The following UBN2 variants were observed in gnomAD, a reference collection of about 807,000 sequenced individuals.
The protein encoded by UBN2 is ubinuclein-2.
In UBN2, 35 loss-of-function variants were observed where a neutral mutation model predicts 120.2. The ratio of observed to expected loss-of-function variants is 0.29; its 90% CI spans 0.22 to 0.39. The LOEUF is 0.39. Ranked by LOEUF, UBN2 falls within the 10% of genes least tolerant of loss-of-function variation. UBN2 has a pLI of 1.00. For missense variants in UBN2, 1,693 were observed against 1,663.2 expected (o/e 1.02, Z -0.31); for synonymous variants, 661 against 648.7 (o/e 1.02, Z -0.29).
At chr7:139,328,021 T>C in the UBN2 span, among the ~76,000 whole-genome samples, 59 of 152,290 alleles carry the variant, frequency 3.9e-4, no homozygotes, top group East Asian at 0.011. Context: ...ATTAATTCAT[T>C]CTCCTTAAGT....
chr7:139,257,919 GGGCTTAC>G (rs1796810042), intron 3 of UBN2, among the ~76,000 whole-genome samples: 1 of 151,872 alleles, frequency 6.6e-6, no homozygotes, highest in African/African-American at 2.4e-5. Flanking sequence ...CTGAGTCGCT[GGGCTTAC>G]TACGCCCAGC....
At position 139,308,194 on chromosome 7, in the gene UBN2, AC is replaced by A. The variant is rs1310413427; in HGVS notation, c.*10359del. ...AGTGTTTTTTCTTTTTGTATATGTTACGTGTTTGTTGTTGTATTAAATAAAG... is the reference window on the plus strand; with the variant it reads ...AGTGTTTTTTCTTTTTGTATATGTTAGTGTTTGTTGTTGTATTAAATAAAG... On this transcript the variant is annotated 3_prime_UTR_variant, in exon 18 of 18. Coordinates refer to ENST00000473989, the MANE Select transcript of UBN2 (RefSeq NM_173569.4). The A allele has an allele frequency of 2.0e-5, 3 of 151,566 alleles. No homozygotes were observed. Among genetic ancestry groups the A allele is most frequent in the Non-Finnish European group, 4.4e-5 (3 of 67,912 alleles). The allele number at this position is 151,566 out of a possible 1,614,324, so 9.4% of individuals were successfully genotyped here. A position where few individuals can be genotyped will look rare whatever the true frequency, so the allele number is the denominator to read the frequency against.
intron 2 of UBN2, among the ~76,000 whole-genome samples, chr7:139,241,028 T>C (rs949728432): frequency 1.3e-5 from 2 of 152,198 alleles, no homozygotes; most frequent in Non-Finnish European, 1.5e-5. Context: ...CAGTTAAGGC[T>C]CCAAAATGTT....
chr7:139,324,391 A>C, the UBN2 span, among the ~76,000 whole-genome samples: 72 of 151,542 alleles, frequency 4.8e-4, 1 homozygote, highest in East Asian at 8.5e-3. Flanking sequence ...CCCCGTCTCT[A>C]CTAAAAATAC....
rs902118912 is a variant in UBN2, at chr7:139,292,154, T to A, written c.3670-1078T>A. Among the ~76,000 whole-genome samples the A allele has an allele frequency of 4.6e-5, 7 of 152,182 alleles. 1 individual carries two copies. In the East Asian group the frequency reaches 1.4e-3, roughly 29 times the overall value. Reference sequence around the variant, plus strand: ...CTGTAGTCTTAGCTACTCGGGAGGCTGAGGTGAGAGGATCACTTGAGCCTC... The same window carrying A: ...CTGTAGTCTTAGCTACTCGGGAGGCAGAGGTGAGAGGATCACTTGAGCCTC... On this transcript the variant is annotated intron_variant, in intron 15 of 17. Coordinates refer to ENST00000473989, the MANE Select transcript of UBN2 (RefSeq NM_173569.4).
intron 15 of UBN2, among the ~76,000 whole-genome samples, chr7:139,290,243 TA>T (rs1797914721): frequency 6.6e-6 from 1 of 152,206 alleles, no homozygotes; most frequent in Non-Finnish European, 1.5e-5. Flanking sequence ...CAACTCTGGT[TA>T]ATTTTTAAGT....
chr7:139,297,314 CT>C (rs1798137216), intron 17 of UBN2, among the ~76,000 whole-genome samples: 1 of 151,428 alleles, frequency 6.6e-6, no homozygotes, highest in Admixed American at 6.6e-5. Flanking sequence ...GAAAAGTTTG[CT>C]ACGTTTGTTT....
Position 139,280,006 on chromosome 7 carries a change from A to G in UBN2, c.2067+646A>G, listed in dbSNP as rs563745702. On this transcript the variant is annotated intron_variant, in intron 13 of 17. Transcript: ENST00000473989. ...TTCTTGGCTTAGGAGTTTCAGTTAC[A>G]CTACCTCTACAATCTGAGAAAACGC... Among the ~76,000 whole-genome samples, 35 of 152,328 alleles carry G rather than the reference A, an allele frequency of 2.3e-4. 1 individual carries two copies. Among genetic ancestry groups the G allele is most frequent in the Middle Eastern group, 6.8e-3 (2 of 294 alleles).
intron 15 of UBN2, among the ~76,000 whole-genome samples, chr7:139,290,797 G>C (rs538400949): frequency 6.6e-6 from 1 of 152,156 alleles, no homozygotes; most frequent in African/African-American, 2.4e-5. Context: ...GGCTGCTTGC[G>C]GATATTCTTC....
chr7:139,250,747 C>G (rs1796603240), intron 2 of UBN2, among the ~76,000 whole-genome samples: 1 of 151,972 alleles, frequency 6.6e-6, no homozygotes, highest in African/African-American at 2.4e-5. Flanking sequence ...GTACTCATTT[C>G]AGTTTTTACA....
In UBN2 at chr7:139,288,211, G is replaced by A. The variant is rs181185741; in HGVS notation, c.3669+3637G>A. ...CAGCATACTCACACATATAGTCTAG[G>A]TAGGAAGACAAGGAAAAATACAAGT... On this transcript the variant is annotated intron_variant, in intron 15 of 17. Coordinates refer to ENST00000473989, the MANE Select transcript of UBN2 (RefSeq NM_173569.4). 8.7e-4 allele frequency among the ~76,000 whole-genome samples: 132 copies of A among 152,270 alleles called. 1 individual carries two copies. The highest frequency in any genetic ancestry group is 8.4e-4 in the Non-Finnish European group (57 of 68,024).
chr7:139,283,556 C>G lies in UBN2; in HGVS notation c.2651C>G (p.Ser884Ter). 6.2e-7 allele frequency: 1 copy of G among 1,614,158 alleles called. No homozygotes were observed. Among genetic ancestry groups the G allele is most frequent in the Non-Finnish European group, 8.5e-7 (1 of 1,180,030 alleles). ...ARLLQQGLQR[S>*]SQIHTSSSSQ... ...CTACTTCAACAAGGACTTCAGAGGT[C>G]AAGCCAGATTCACACTTCTTCCTCT... Residue 884 changes from serine (S) to a stop codon, truncating the protein, a stop_gained, in exon 15 of 18, where the codon TCA (serine) becomes TGA (stop). Coordinates refer to ENST00000473989, the MANE Select transcript of UBN2 (RefSeq NM_173569.4). LOFTEE classifies it high-confidence loss of function.
rs1798274409 is a variant in UBN2 at position 139,302,151 on chromosome 7, TAAGTC to T, written c.*4317_*4321del. Reference sequence around the variant, plus strand: ...CACATTATCTTAAAGTACAGACTGATAAGTCAGGGGATTCAGGAGGAAGAATCTCA... The same window carrying T: ...CACATTATCTTAAAGTACAGACTGATAGGGGATTCAGGAGGAAGAATCTCA... On this transcript the variant is annotated 3_prime_UTR_variant, in exon 18 of 18. Coordinates refer to ENST00000473989, the MANE Select transcript of UBN2 (RefSeq NM_173569.4). The T allele has an allele frequency of 6.6e-6, 1 of 152,236 alleles. No homozygotes were observed. The allele number at this position is 152,236 out of a possible 1,614,324, so 9.4% of individuals were successfully genotyped here.
In UBN2 at chr7:139,231,908, G is replaced by T. The variant is rs117922287; in HGVS notation, c.424G>T (p.Val142Leu). The T allele has an allele frequency of 2.0e-3, 3,144 of 1,588,488 alleles. 46 individuals are homozygous for T. The East Asian group carries it at 0.035, about 18-fold the overall frequency. ...TAAGGACCCCACCGACGAGAGCTGC[G>T]TGGAGTTCAGTTACCCGGAGCTGCT... ...VLKDPTDESC[V>L]EFSYPELLLC... Residue 142 changes from valine to leucine, a missense_variant, in exon 1 of 18, where the codon GTG becomes TTG. Coordinates refer to ENST00000473989, the MANE Select transcript of UBN2 (RefSeq NM_173569.4).
At chr7:139,262,732 C>CAAAT (rs899643942) in intron 6 of UBN2, among the ~76,000 whole-genome samples, 5 of 150,378 alleles carry the variant, frequency 3.3e-5, no homozygotes, top group Non-Finnish European at 7.4e-5. Context: ...AAAAAAAACC[C>CAAAT]AAATAAATAA....
intron 1 of UBN2, among the ~76,000 whole-genome samples, chr7:139,232,941 A>G (rs1234344935): frequency 1.3e-5 from 2 of 152,220 alleles, no homozygotes; most frequent in Admixed American, 1.3e-4. Flanking sequence ...TGATAGATTA[A>G]CAGTAAGGAA....
the UBN2 span, chr7:139,315,255 G>A: frequency 2.0e-5 from 3 of 152,318 alleles, no homozygotes; most frequent in Non-Finnish European, 2.9e-5. Context: ...GATTACAGGC[G>A]TGAGCCACCG....
the UBN2 span, among the ~76,000 whole-genome samples, chr7:139,322,707 T>C: frequency 6.6e-6 from 1 of 151,426 alleles, no homozygotes; most frequent in Non-Finnish European, 1.5e-5. Flanking sequence ...CAAATTTTTG[T>C]ATTTTTATTA....
chr7:139,323,458 C>T, the UBN2 span, among the ~76,000 whole-genome samples: 4 of 152,094 alleles, frequency 2.6e-5, no homozygotes, highest in East Asian at 1.9e-4. Context: ...AATCAGGCTT[C>T]GTTCCCAAAT....
Sources: gnomAD v4.1 joint callset for allele counts (sites outside exome capture counted in the v4.1 genomes callset) on GRCh38, gnomAD v4.1.1 for gene constraint, MANE v1.5 for transcripts, NCBI Gene and HGNC (gene_info 2026-07-23, HGNC 2026-07-21) for gene names.